The following NRXN1 variants were observed in gnomAD, a reference collection of about 807,000 sequenced individuals.
NRXN1 encodes neurexin-1.
Under a neutral mutation model 150.9 loss-of-function variants are expected in NRXN1, and 39 were observed. The observed-to-expected ratio is 0.26, with a 90% CI of 0.20 to 0.34. The LOEUF (loss-of-function observed/expected upper bound fraction) is 0.34, where lower values mean the gene tolerates loss of function less well. Among genes scored for constraint, NRXN1 ranks in the 10% least tolerant of loss-of-function variants. The probability of loss-of-function intolerance (pLI) is 1.00; values close to 1 mark genes in which losing one functional copy is unlikely to be tolerated. For synonymous variants in NRXN1, 924 were observed against 757.0 expected (o/e 1.22, Z -3.62); for missense variants, 1,815 against 1,949.9 (o/e 0.93, Z 1.30).
chr2:50,885,053 G>A (rs1462109004), intron 5 of NRXN1, among the ~76,000 whole-genome samples: 1 of 151,600 alleles, frequency 6.6e-6, no homozygotes, highest in African/African-American at 2.4e-5. Flanking sequence ...TATAAAATGA[G>A]ACTTTCGTTT....
rs746470607 is a variant in NRXN1 at position 50,497,707 on chromosome 2, C to T, written c.2505G>A (p.Met835Ile). Reference sequence around the variant, plus strand: ...ACTCCAGCCTAGTATGATCACCTGCCATTTGACCTAAAAGAGAAGATAATA... The same window carrying T: ...ACTCCAGCCTAGTATGATCACCTGCTATTTGACCTAAAAGAGAAGATAATA... ...VDDQQAMTGQ[M>I]AGDHTRLEFH... Residue 835 changes from methionine to isoleucine, a missense_variant, in exon 14 of 23, where the codon ATG (methionine) becomes ATA (isoleucine). Physicochemically the swap from Met to Ile is conservative, Grantham distance 10 (BLOSUM62 1). Transcript: ENST00000401669. 1.4e-5 allele frequency: 22 copies of T among 1,607,120 alleles called. No individual in the cohort carries two copies. Among genetic ancestry groups the T allele is most frequent in the Non-Finnish European group, 1.9e-5 (22 of 1,175,584 alleles).
At chr2:50,491,768 T>C (rs918601471) in intron 15 of NRXN1, among the ~76,000 whole-genome samples, 16 of 152,188 alleles carry the variant, frequency 1.1e-4, no homozygotes, top group African/African-American at 3.6e-4. Context: ...GCTAGGAATC[T>C]TTAATTTTCC....
At chr2:50,286,734 C>T (rs997165003) in intron 17 of NRXN1, among the ~76,000 whole-genome samples, 1 of 152,078 alleles carries the variant, frequency 6.6e-6, no homozygotes, top group Non-Finnish European at 1.5e-5. Context: ...GGCAAAGTGA[C>T]TGCTACAAAG....
intron 2 of NRXN1, among the ~76,000 whole-genome samples, chr2:51,002,642 A>G (rs1260231643): frequency 6.6e-6 from 1 of 151,906 alleles, no homozygotes; most frequent in African/African-American, 2.4e-5. Flanking sequence ...TTCTCTGTAA[A>G]TATAACCGAA....
At chr2:49,983,475 A>G (rs917836964) in intron 21 of NRXN1, among the ~76,000 whole-genome samples, 3 of 152,108 alleles carry the variant, frequency 2.0e-5, no homozygotes, top group South Asian at 4.1e-4. Context: ...TTTAAATTAT[A>G]TTTTTATACT....
At position 50,045,605 on chromosome 2, in the gene NRXN1, T is replaced by C. The variant is rs191616418; in HGVS notation, c.4128+7666A>G. 7.1e-3 allele frequency among the ~76,000 whole-genome samples: 1,087 copies of C among 152,324 alleles called. 12 individuals carry two copies. The highest frequency in any genetic ancestry group is 0.017 in the Middle Eastern group (5 of 294). Reference sequence around the variant, plus strand: ...AACAGGTGTAACACAAACATAGGTATGTATTGAAAATCAGAAGTTCACAAA... The same window carrying C: ...AACAGGTGTAACACAAACATAGGTACGTATTGAAAATCAGAAGTTCACAAA... On this transcript the variant is annotated intron_variant, in intron 21 of 22. Transcript: ENST00000401669.
chr2:50,973,929 G>A (rs767437938), intron 2 of NRXN1, among the ~76,000 whole-genome samples: 6 of 151,968 alleles, frequency 3.9e-5, no homozygotes, highest in Non-Finnish European at 8.8e-5. Flanking sequence ...AAAAACTATG[G>A]CATGTAATGT....
At chr2:50,127,279 CTTTACA>C (rs1704735597) in intron 18 of NRXN1, among the ~76,000 whole-genome samples, 1 of 152,124 alleles carries the variant, frequency 6.6e-6, no homozygotes, top group African/African-American at 2.4e-5. Context: ...TTAATAGCCA[CTTTACA>C]TTTACACCAA....
intron 13 of NRXN1, among the ~76,000 whole-genome samples, chr2:50,502,329 G>T (rs1472759010): frequency 6.6e-6 from 1 of 152,068 alleles, no homozygotes; most frequent in Non-Finnish European, 1.5e-5. Flanking sequence ...GAAGAAATGA[G>T]ACAAACAGTC....
intron 2 of NRXN1, among the ~76,000 whole-genome samples, chr2:50,952,019 T>C (rs1478626693): frequency 7.3e-6 from 1 of 137,848 alleles, no homozygotes; most frequent in Admixed American, 7.9e-5. Context: ...CAGGCTGGAG[T>C]GCAGTGGCGG....
intron 18 of NRXN1, among the ~76,000 whole-genome samples, chr2:50,150,427 A>T (rs773320548): frequency 6.6e-6 from 1 of 151,786 alleles, no homozygotes; most frequent in Non-Finnish European, 1.5e-5. Flanking sequence ...TTTTCTACAT[A>T]AAATAAAGCT....
chr2:50,603,644 G>C (rs1676634011), intron 8 of NRXN1, among the ~76,000 whole-genome samples: 1 of 152,146 alleles, frequency 6.6e-6, no homozygotes, highest in Non-Finnish European at 1.5e-5. Context: ...CCTTTGGCTA[G>C]ATGACTTTTC....
intron 17 of NRXN1, among the ~76,000 whole-genome samples, chr2:50,255,950 A>G (rs1174722776): frequency 2.6e-5 from 4 of 152,160 alleles, no homozygotes; most frequent in Admixed American, 2.6e-4. Context: ...TCCTTGGAAT[A>G]CTGAAGTCAC....
intron 8 of NRXN1, among the ~76,000 whole-genome samples, chr2:50,590,694 C>T (rs910596664): frequency 6.6e-6 from 1 of 152,146 alleles, no homozygotes; most frequent in Admixed American, 6.5e-5. Flanking sequence ...AGCTCCCTTA[C>T]TTCTGCTATG....
intron 17 of NRXN1, among the ~76,000 whole-genome samples, chr2:50,307,947 G>A (rs1407398161): frequency 2.0e-5 from 3 of 152,148 alleles, no homozygotes; most frequent in Non-Finnish European, 4.4e-5. Context: ...CTGTATTTAA[G>A]CTGACATTCA....
intron 18 of NRXN1, among the ~76,000 whole-genome samples, chr2:50,225,184 A>G (rs986044212): frequency 6.6e-6 from 1 of 151,946 alleles, no homozygotes; most frequent in African/African-American, 2.4e-5. Context: ...ACCTCATACT[A>G]TGCTCCAAGG....
chr2:50,586,339 T>A (rs889495027), intron 8 of NRXN1, among the ~76,000 whole-genome samples: 5 of 152,142 alleles, frequency 3.3e-5, no homozygotes, highest in African/African-American at 1.2e-4. Context: ...CCCAGGGACA[T>A]GTACTTAATT....
rs201518597 is a variant in NRXN1 at position 51,027,750 on chromosome 2, C to T, written c.524G>A (p.Arg175Lys). The change falls in exon 2 of 23, where the codon AGG (arginine) becomes AAG (lysine). Residue 175 changes from arginine to lysine, a missense_variant. Arg to Lys is a conservative substitution (Grantham distance 26, BLOSUM62 2). Transcript: ENST00000401669. ...CCACCCCTTGAAGGGCTCCCGCTCC[C>T]TCACCGAGGCCAGGGTGAGCTTGAG... ...AALKLTLASV[R>K]EREPFKGWIR... The T allele has an allele frequency of 3.1e-5, 50 of 1,612,046 alleles. No individual in the cohort carries two copies. Among genetic ancestry groups the T allele is most frequent in the African/African-American group, 1.2e-4 (9 of 74,872 alleles).
At chr2:50,051,910 G>A (rs1275685955) in intron 21 of NRXN1, among the ~76,000 whole-genome samples, 4 of 152,038 alleles carry the variant, frequency 2.6e-5, no homozygotes, top group African/African-American at 7.2e-5. Flanking sequence ...AATAGGAAAC[G>A]AAAAGAAAAG....
Sources: allele counts gnomAD v4.1 joint callset (sites outside exome capture counted in the v4.1 genomes callset), GRCh38; gene constraint gnomAD v4.1.1; transcripts MANE v1.5; gene names NCBI Gene and HGNC (gene_info 2026-07-23, HGNC 2026-07-21).